The following RAF1 variants were observed in gnomAD, a reference collection of about 807,000 sequenced individuals.
RAF1 encodes Raf-1 proto-oncogene, serine/threonine kinase.
RAF1 carries 27 observed loss-of-function variants against 81.1 expected under a neutral mutation model. The ratio of observed to expected loss-of-function variants is 0.33; its 90% CI spans 0.25 to 0.46. The LOEUF (loss-of-function observed/expected upper bound fraction) is 0.46. Ranked by LOEUF, RAF1 falls within the 20% of genes least tolerant of loss-of-function variation. RAF1 has a pLI of 1.00. For missense variants in RAF1, 598 were observed against 826.0 expected (o/e 0.72, Z 3.38); for synonymous variants, 298 against 294.0 (o/e 1.01, Z -0.14).
At chr3:12,598,738 A>AAAAAAAAAAAAAAAC in intron 11 of RAF1, among the ~76,000 whole-genome samples, 1 of 148,592 alleles carries the variant, frequency 6.7e-6, no homozygotes, top group Non-Finnish European at 1.5e-5. Flanking sequence ...AAAAAAAAAA[A>AAAAAAAAAAAAAAAC]AAAAAAAAAA....
intron 1 of RAF1, among the ~76,000 whole-genome samples, chr3:12,658,963 G>A (rs918562158): frequency 2.0e-5 from 3 of 152,102 alleles, no homozygotes; most frequent in Non-Finnish European, 2.9e-5. Flanking sequence ...TTAGAAGAAA[G>A]GCAAACAGAT....
intron 11 of RAF1, 186 bp from the exon 11 acceptor site, chr3:12,591,978 C>T (rs1463040881): frequency 3.2e-6 from 2 of 629,912 alleles, no homozygotes; most frequent in Non-Finnish European, 5.7e-6. Context: ...GGCTAGAGTG[C>T]AGTGGCACAT....
chr3:12,609,251 G>A lies in RAF1; in HGVS notation c.405C>T (p.Pro135=), dbSNP rs1352951261. 1.2e-6 allele frequency: 2 copies of A among 1,611,000 alleles called. No homozygotes were observed. The highest frequency in any genetic ancestry group is 1.7e-6 in the Non-Finnish European group (2 of 1,177,288). ...AACTTACAAAGTTGTGTGTTGTGAG[G>A]GGAACATGATCCAGGAAATCTACTT... Residue 135 remains proline (P), a synonymous_variant, in exon 4 of 18, where the codon CCC becomes CCT. Transcript: ENST00000442415.
chr3:12,635,637 CAAAAAAAA>C (rs34576938), intron 1 of RAF1, among the ~76,000 whole-genome samples: 7 of 73,278 alleles, frequency 9.6e-5, no homozygotes, highest in African/African-American at 2.4e-4. Context: ...ACTCCAGCTC[CAAAAAAAA>C]AAAAAAAAAA....
At chr3:12,658,074 C>T (rs116087317) in intron 1 of RAF1, among the ~76,000 whole-genome samples, 2,088 of 152,202 alleles carry the variant, frequency 0.014, 54 homozygotes, top group African/African-American at 0.047. Context: ...CCAGTACATC[C>T]TTTCTTTTTA....
intron 15 of RAF1, 137 bp downstream of exon 14, chr3:12,585,544 G>T (rs2058304400): frequency 7.3e-7 from 1 of 1,365,210 alleles, no homozygotes; most frequent in Non-Finnish European, 1.0e-6. Flanking sequence ...ATCTACAATT[G>T]CCCTGAGGCT....
intron 1 of RAF1, among the ~76,000 whole-genome samples, chr3:12,657,065 G>C (rs1198456144): frequency 1.3e-5 from 2 of 151,898 alleles, no homozygotes; most frequent in African/African-American, 2.4e-5. Flanking sequence ...ATTAGATAAG[G>C]TCCTTGAAGG....
chr3:12,630,446 A>C (rs1301655640), intron 1 of RAF1, among the ~76,000 whole-genome samples: 1 of 152,180 alleles, frequency 6.6e-6, no homozygotes, highest in Non-Finnish European at 1.5e-5. Context: ...AGGCATTCAC[A>C]GTAAATTCCA....
chr3:12,621,755 G>T (rs1000030872), intron 1 of RAF1, among the ~76,000 whole-genome samples: 1 of 152,142 alleles, frequency 6.6e-6, no homozygotes, highest in African/African-American at 2.4e-5. Flanking sequence ...AATAAACCAT[G>T]TTAATATCCA....
chr3:12,662,243 G>A (rs2060901055), intron 1 of RAF1, among the ~76,000 whole-genome samples: 1 of 149,892 alleles, frequency 6.7e-6, no homozygotes, highest in Admixed American at 6.7e-5. Flanking sequence ...GCAAAGGCAG[G>A]AGAACTGCTT....
At chr3:12,656,063 C>A (rs2060681625) in intron 1 of RAF1, among the ~76,000 whole-genome samples, 1 of 147,318 alleles carries the variant, frequency 6.8e-6, no homozygotes, top group African/African-American at 2.5e-5. Flanking sequence ...ACACACACAC[C>A]CCACCCCCAA....
chr3:12,645,153 C>T (rs2125544944), intron 1 of RAF1, among the ~76,000 whole-genome samples: 1 of 150,902 alleles, frequency 6.6e-6, no homozygotes, highest in African/African-American at 2.4e-5. Flanking sequence ...TCTAAGGTAG[C>T]CAGCCTTTTG....
chr3:12,641,947 A>G (rs9864781), intron 1 of RAF1, among the ~76,000 whole-genome samples: 1 of 150,766 alleles, frequency 6.6e-6, no homozygotes, highest in African/African-American at 2.4e-5. Flanking sequence ...GGAGTTCGAG[A>G]CCAGCTGGGC....
chr3:12,629,771 TA>T (rs888884938), intron 1 of RAF1, among the ~76,000 whole-genome samples: 1 of 152,164 alleles, frequency 6.6e-6, no homozygotes, highest in African/African-American at 2.4e-5. Flanking sequence ...AATCTGTTTC[TA>T]ATTATACTTT....
intron 14 of RAF1, 116 bp from the exon 14 acceptor site, chr3:12,585,915 C>A: frequency 2.5e-6 from 2 of 787,664 alleles, no homozygotes; most frequent in Non-Finnish European, 4.5e-6. Context: ...CACAGCCTCT[C>A]TGCACTGAAC....
In RAF1 at chr3:12,655,005, C is replaced by CCG. The variant is rs148831868; in HGVS notation, c.-27+8807_-27+8808insCG. Among the ~76,000 whole-genome samples, 1,472 of 147,766 alleles carry CCG rather than the reference C, an allele frequency of 1.0e-2. 24 individuals are homozygous for CCG. The highest frequency in any genetic ancestry group is 0.039 in the Middle Eastern group (11 of 284). ...AACCTGGTAAACATAGTGAGACCCC[C>CCG]CCCCCGCCATCTCTAAAATAGTAAA... On this transcript the variant is annotated intron_variant, in intron 1 of 17. Coordinates refer to ENST00000442415, the MANE Select transcript of RAF1 (RefSeq NM_001354689.3).
chr3:12,625,279 A>G (rs1313139977), intron 1 of RAF1, among the ~76,000 whole-genome samples: 1 of 151,646 alleles, frequency 6.6e-6, no homozygotes, highest in South Asian at 2.1e-4. Context: ...GATGGGGTTT[A>G]ATCATGTTGC....
At chr3:12,653,565 T>G (rs1332089005) in intron 1 of RAF1, among the ~76,000 whole-genome samples, 4 of 152,036 alleles carry the variant, frequency 2.6e-5, no homozygotes, top group Admixed American at 2.6e-4. Context: ...GCCAACATGA[T>G]GAAACCCTGT....
At chr3:12,635,779 C>A (rs1200085098) in intron 1 of RAF1, among the ~76,000 whole-genome samples, 2 of 150,842 alleles carry the variant, frequency 1.3e-5, no homozygotes, top group East Asian at 3.9e-4. Context: ...TGAGACCATC[C>A]TGGCTAACAC....
Sources: allele counts gnomAD v4.1 joint callset (sites outside exome capture counted in the v4.1 genomes callset), GRCh38; gene constraint gnomAD v4.1.1; transcripts MANE v1.5; gene names NCBI Gene and HGNC (gene_info 2026-07-23, HGNC 2026-07-21).